Variants in THADA observed in about 807,000 individuals in gnomAD.
THADA encodes the protein THADA armadillo repeat containing, also known as tRNA (32-2'-O)-methyltransferase regulator THADA.
In THADA, 213 loss-of-function variants were observed where a neutral mutation model predicts 219.8. That is an observed-to-expected ratio of 0.97 (90% CI 0.87 to 1.09). The LOEUF is 1.09. THADA is among the 50% of genes least tolerant of loss of function. THADA has a pLI of 0.00. For missense variants in THADA, 2,956 were observed against 2,311.3 expected (o/e 1.28, Z -5.72); for synonymous variants, 1,018 against 828.9 (o/e 1.23, Z -3.92).
rs1185513301 is a variant in THADA, at chr2:43,581,817, A to G, written c.645T>C (p.Leu215=). The G allele has an allele frequency of 6.2e-7, 1 of 1,613,084 alleles. No homozygotes were observed. Residue 215 remains leucine (L), a synonymous_variant, in exon 8 of 38, where the codon CTT becomes CTC. Coordinates refer to ENST00000405975, the MANE Select transcript of THADA (RefSeq NM_022065.5). The stretch of plus-strand genomic sequence containing the variant: ...ATATGGGAGAATCGGAAGTCTTCCA[A>G]AGATTTCCCTGGAAATCTTGTACTT... ...VQKVQDFQGN[L]WKTSDSPIWQ... is the part of the protein sequence containing the mutation.
chr2:43,353,238 C>A (rs1221145828), intron 29 of THADA, among the ~76,000 whole-genome samples: 1 of 152,120 alleles, frequency 6.6e-6, no homozygotes, highest in African/African-American at 2.4e-5. Flanking sequence ...TTTGTAATTT[C>A]TTTAGGAATC....
chr2:43,402,437 T>A (rs923817850), intron 28 of THADA, among the ~76,000 whole-genome samples: 1 of 152,154 alleles, frequency 6.6e-6, no homozygotes, highest in African/African-American at 2.4e-5. Flanking sequence ...TGCACTATTC[T>A]CAGCAAAAAA....
At chr2:43,273,260 A>G (rs1437313851) in intron 36 of THADA, among the ~76,000 whole-genome samples, 1 of 149,948 alleles carries the variant, frequency 6.7e-6, no homozygotes, top group Non-Finnish European at 1.5e-5. Flanking sequence ...CTCAACAACA[A>G]CAACAACAAC....
At position 43,574,332 on chromosome 2, in the gene THADA, T is replaced by C. The variant is rs1275224374; in HGVS notation, c.1729+4A>G. The C allele has an allele frequency of 2.0e-6, 3 of 1,527,952 alleles. No homozygotes were observed. Among genetic ancestry groups the C allele is most frequent in the Non-Finnish European group, 2.6e-6 (3 of 1,141,082 alleles). 94.6% of individuals were successfully genotyped at this position (1,527,952 alleles called of 1,614,324 possible). On this transcript the variant is annotated splice_donor_region_variant and intron_variant, in intron 11 of 37. Transcript: ENST00000405975. ...CTACTAAAACAAAAATGCATTTTTC[T>C]TACCAGTTTTAGCATCAATAGAAGT...
intron 16 of THADA, among the ~76,000 whole-genome samples, chr2:43,557,553 C>A (rs542811969): frequency 6.6e-6 from 1 of 152,332 alleles, no homozygotes; most frequent in Admixed American, 6.5e-5. Context: ...AGAGCTCCCA[C>A]ACCTATATCT....
chr2:43,284,291 A>G (rs980401626), intron 35 of THADA, among the ~76,000 whole-genome samples: 1 of 152,214 alleles, frequency 6.6e-6, no homozygotes, highest in South Asian at 2.1e-4. Flanking sequence ...GAGGCCTAGG[A>G]AGAAAAAATG....
rs567769432 is a variant in THADA at position 43,407,846 on chromosome 2, A to T, written c.4059-9707T>A. Among the ~76,000 whole-genome samples, 1,084 of 152,204 alleles carry T rather than the reference A, an allele frequency of 7.1e-3. 16 individuals carry two copies. Among genetic ancestry groups the T allele is most frequent in the Non-Finnish European group, 0.012 (828 of 68,018 alleles). ...AAATATATGTGGGTTTTCACTCTAG[A>T]TAGTCTATGGGAACATAAAAAGAAT... On this transcript the variant is annotated intron_variant, in intron 28 of 37. Coordinates refer to ENST00000405975, the MANE Select transcript of THADA (RefSeq NM_022065.5).
At chr2:43,558,712 G>C (rs1697695153) in intron 16 of THADA, among the ~76,000 whole-genome samples, 1 of 152,150 alleles carries the variant, frequency 6.6e-6, no homozygotes, top group African/African-American at 2.4e-5. Context: ...GCCTCAGCTT[G>C]TGATCGTGTG....
intron 30 of THADA, among the ~76,000 whole-genome samples, chr2:43,340,631 T>C (rs1453474096): frequency 2.0e-5 from 3 of 152,214 alleles, no homozygotes; most frequent in Admixed American, 1.3e-4. Flanking sequence ...TTTTTTTCTT[T>C]GCAAAAACAT....
chr2:43,311,708 G>A (rs1203865795), intron 31 of THADA, among the ~76,000 whole-genome samples: 1 of 152,204 alleles, frequency 6.6e-6, no homozygotes, highest in Non-Finnish European at 1.5e-5. Flanking sequence ...TGACCAACAT[G>A]GATGAACCTT....
At chr2:43,490,473 C>T (rs1384440259) in intron 25 of THADA, among the ~76,000 whole-genome samples, 1 of 152,098 alleles carries the variant, frequency 6.6e-6, no homozygotes, top group Non-Finnish European at 1.5e-5. Flanking sequence ...TCTGGATTTT[C>T]CACTGAGGTT....
At chr2:43,569,598 T>A (rs949423730) in intron 14 of THADA, among the ~76,000 whole-genome samples, 1 of 152,224 alleles carries the variant, frequency 6.6e-6, no homozygotes, top group Non-Finnish European at 1.5e-5. Context: ...GATGGCTTTT[T>A]ATCTTTTAAA....
Position 43,314,543 on chromosome 2 carries a change from T to G in THADA, c.4438+5903A>C, listed in dbSNP as rs115056413. Among the ~76,000 whole-genome samples the G allele has an allele frequency of 9.2e-3, 1,395 of 152,308 alleles. 21 individuals carry two copies. Among genetic ancestry groups the G allele is most frequent in the African/African-American group, 0.032 (1,325 of 41,552 alleles). On this transcript the variant is annotated intron_variant, in intron 31 of 37. Transcript: ENST00000405975. ...AAAGGGGTAAATATTTAGTCAAGTC[T>G]TAGATAGTATTTCTGTAAACAGAAA...
At chr2:43,467,764 A>C (rs1684429458) in intron 26 of THADA, among the ~76,000 whole-genome samples, 2 of 151,776 alleles carry the variant, frequency 1.3e-5, no homozygotes, top group African/African-American at 2.4e-5. Context: ...AAATTTCAAC[A>C]AAATTATGAC....
At chr2:43,442,105 G>C (rs1680911302) in intron 26 of THADA, among the ~76,000 whole-genome samples, 1 of 152,094 alleles carries the variant, frequency 6.6e-6, no homozygotes, top group Admixed American at 6.5e-5. Flanking sequence ...TATATCATTT[G>C]GGTCGGGGAC....
intron 15 of THADA, chr2:43,566,316 C>T: frequency 1.8e-6 from 1 of 553,894 alleles, no homozygotes; most frequent in African/African-American, 2.0e-5. Context: ...ATTTTAACCA[C>T]AGAGACTCAC....
rs1465725668 is a variant in THADA at position 43,552,187 on chromosome 2, G to C, written c.2810+17C>G. The C allele has an allele frequency of 1.3e-6, 2 of 1,599,974 alleles. No homozygotes were observed. Among genetic ancestry groups the C allele is most frequent in the Admixed American group, 3.5e-5 (2 of 57,066 alleles). On this transcript the variant is annotated intron_variant, in intron 18 of 37. Coordinates refer to ENST00000405975, the MANE Select transcript of THADA (RefSeq NM_022065.5). ...GAATGGATTTCTGAGACAGGAGGCA[G>C]CTGTGGAAATCCTTACTTTAGAGAT...
chr2:43,403,936 T>C (rs764650772), intron 28 of THADA, among the ~76,000 whole-genome samples: 17 of 152,184 alleles, frequency 1.1e-4, no homozygotes, highest in Admixed American at 2.0e-4. Context: ...AATGGTCATC[T>C]ACTGACAACC....
chr2:43,545,130 A>C (rs1695852217), intron 20 of THADA, among the ~76,000 whole-genome samples: 1 of 152,166 alleles, frequency 6.6e-6, no homozygotes, highest in Non-Finnish European at 1.5e-5. Context: ...TATTGAGATA[A>C]TCATGTGGTT....
Sources: allele counts gnomAD v4.1 joint callset (sites outside exome capture counted in the v4.1 genomes callset), GRCh38; gene constraint gnomAD v4.1.1; transcripts MANE v1.5; gene names NCBI Gene and HGNC (gene_info 2026-07-23, HGNC 2026-07-21).